ZZZ3: variants seen among roughly 807,000 people sequenced by gnomAD.
The protein encoded by ZZZ3 is ZZ-type zinc finger-containing protein 3.
A neutral mutation model predicts 95.2 loss-of-function variants in ZZZ3; 22 were observed. The ratio of observed to expected loss-of-function variants is 0.23; its 90% CI spans 0.17 to 0.33. The LOEUF (loss-of-function observed/expected upper bound fraction) is 0.33, where lower values mean the gene tolerates loss of function less well. ZZZ3 is among the 10% of genes least tolerant of loss of function. The pLI, the probability that ZZZ3 is intolerant of heterozygous loss-of-function variation, is 1.00. For synonymous variants in ZZZ3, 335 were observed against 358.9 expected (o/e 0.93, Z 0.75); for missense variants, 885 against 1,066.5 (o/e 0.83, Z 2.37).
At chr1:77,680,845 ACT>A (rs1672689401) in intron 1 of ZZZ3, among the ~76,000 whole-genome samples, 1 of 152,084 alleles carries the variant, frequency 6.6e-6, no homozygotes, top group Non-Finnish European at 1.5e-5. Flanking sequence ...AAAATATAAA[ACT>A]CAAGTGATAA....
Position 77,564,802 on chromosome 1 carries a change from T to C in ZZZ3, c.*838A>G, listed in dbSNP as rs1295052743. The C allele has an allele frequency of 1.3e-5, 2 of 152,630 alleles. No individual in the cohort carries two copies. Among genetic ancestry groups the C allele is most frequent in the Non-Finnish European group, 2.9e-5 (2 of 68,038 alleles). 9.5% of individuals were successfully genotyped at this position (152,630 alleles called of 1,614,324 possible). ...GATTTTTATATTAGGCAGTTTTCTT[T>C]GATGAGTTGTACTGACAACTCCAAA... On this transcript the variant is annotated 3_prime_UTR_variant, in exon 15 of 15. Coordinates refer to ENST00000370801, the MANE Select transcript of ZZZ3 (RefSeq NM_015534.6).
chr1:77,639,880 T>C (rs1326397948), intron 3 of ZZZ3, among the ~76,000 whole-genome samples: 1 of 151,554 alleles, frequency 6.6e-6, no homozygotes, highest in Non-Finnish European at 1.5e-5. Flanking sequence ...TGCTCTTTTC[T>C]AGACATTGCT....
At chr1:77,664,452 T>G (rs1671084911) in intron 1 of ZZZ3, among the ~76,000 whole-genome samples, 1 of 152,200 alleles carries the variant, frequency 6.6e-6, no homozygotes, top group Admixed American at 6.5e-5. Context: ...ATATCTATAT[T>G]CCCCATTCAA....
chr1:77,678,639 A>T (rs534660898), intron 1 of ZZZ3, among the ~76,000 whole-genome samples: 2 of 152,336 alleles, frequency 1.3e-5, no homozygotes, highest in East Asian at 3.9e-4. Context: ...ATTCTACTAT[A>T]GTTCCACCTA....
At chr1:77,570,828 ATTTTTTTT>A (rs1234908458) in intron 12 of ZZZ3, among the ~76,000 whole-genome samples, 1 of 123,756 alleles carries the variant, frequency 8.1e-6, no homozygotes, top group East Asian at 2.3e-4. Context: ...AGCCTGGCTA[ATTTTTTTT>A]TTTTTTTTTT....
intron 13 of ZZZ3, 52 bp from the exon 14 acceptor site, chr1:77,566,233 T>G: frequency 7.4e-7 from 1 of 1,343,734 alleles, no homozygotes; most frequent in East Asian, 2.4e-5. Context: ...TCCACGATCT[T>G]TTTTATTTTC....
At chr1:77,568,661 T>TA (rs1474085866) in intron 12 of ZZZ3, among the ~76,000 whole-genome samples, 195 bp from the exon 13 acceptor site, 1 of 124,180 alleles carries the variant, frequency 8.1e-6, no homozygotes, top group Admixed American at 8.9e-5. Context: ...TTTTTTTTTT[T>TA]AACACAACAG....
intron 5 of ZZZ3, among the ~76,000 whole-genome samples, chr1:77,605,380 A>C (rs374327720): frequency 1.3e-5 from 2 of 152,204 alleles, no homozygotes; most frequent in East Asian, 1.9e-4. Flanking sequence ...CACCTGGACT[A>C]AAGTGCTCTA....
chr1:77,581,719 T>C, intron 8 of ZZZ3, 57 bp downstream of exon 8: 8 of 1,359,558 alleles, frequency 5.9e-6, no homozygotes, highest in Non-Finnish European at 7.2e-6. Flanking sequence ...CAGCAAAATG[T>C]TAAATTGTTT....
At chr1:77,585,942 T>C (rs1663041416) in intron 5 of ZZZ3, among the ~76,000 whole-genome samples, 1 of 152,234 alleles carries the variant, frequency 6.6e-6, no homozygotes. Context: ...TTTTTAATAA[T>C]TAAGGTAAAA....
At chr1:77,664,983 G>C (rs1671127638) in intron 1 of ZZZ3, among the ~76,000 whole-genome samples, 1 of 151,978 alleles carries the variant, frequency 6.6e-6, no homozygotes, top group South Asian at 2.1e-4. Flanking sequence ...CATACTTTTT[G>C]TTACAACAAA....
At chr1:77,594,111 T>C (rs1259455227) in intron 5 of ZZZ3, among the ~76,000 whole-genome samples, 1 of 152,152 alleles carries the variant, frequency 6.6e-6, no homozygotes, top group Non-Finnish European at 1.5e-5. Context: ...ATCTGACAAC[T>C]GGGCTTATTG....
At chr1:77,581,927 A>G in intron 7 of ZZZ3, 36 bp from the exon 8 acceptor site, 1 of 1,605,582 alleles carries the variant, frequency 6.2e-7, no homozygotes, top group South Asian at 1.1e-5. Flanking sequence ...CTGTTAAAGC[A>G]AAACATTGCC....
chr1:77,590,049 C>A (rs1663520573), intron 5 of ZZZ3, among the ~76,000 whole-genome samples: 1 of 152,080 alleles, frequency 6.6e-6, no homozygotes, highest in African/African-American at 2.4e-5. Flanking sequence ...CAGCCTGATT[C>A]TTCAAAACTC....
At chr1:77,580,342 C>G (rs1322905602) in intron 9 of ZZZ3, 2 of 152,164 alleles carry the variant, frequency 1.3e-5, no homozygotes, top group Non-Finnish European at 2.9e-5. Context: ...TCCTCACCTC[C>G]CTTCGACAAC....
At chr1:77,603,307 G>C (rs896318323) in intron 5 of ZZZ3, among the ~76,000 whole-genome samples, 2 of 152,046 alleles carry the variant, frequency 1.3e-5, no homozygotes, top group South Asian at 4.1e-4. Context: ...TTAAACTCCC[G>C]GGCTCAAGTG....
At position 77,563,017 on chromosome 1, in the gene ZZZ3, G is replaced by A. The variant is rs1326696399; in HGVS notation, c.*2623C>T. 2 of 152,192 alleles carry A rather than the reference G, an allele frequency of 1.3e-5. No individual in the cohort carries two copies. The highest frequency in any genetic ancestry group is 2.4e-5 in the African/African-American group (1 of 41,446). 9.4% of individuals were successfully genotyped at this position (152,192 alleles called of 1,614,324 possible). ...ATAATAAATGACCCTGCCTCATAGA[G>A]TTGTTAAGAATTAGTTATCATATGC... On this transcript the variant is annotated 3_prime_UTR_variant, in exon 15 of 15. Coordinates refer to ENST00000370801, the MANE Select transcript of ZZZ3 (RefSeq NM_015534.6).
intron 4 of ZZZ3, among the ~76,000 whole-genome samples, chr1:77,636,060 T>C (rs1337208788): frequency 1.3e-5 from 2 of 152,218 alleles, no homozygotes; most frequent in Non-Finnish European, 2.9e-5. Flanking sequence ...TAAGGCTAAG[T>C]TAAATTTAAT....
chr1:77,590,761 T>C, intron 5 of ZZZ3, among the ~76,000 whole-genome samples: 1 of 152,238 alleles, frequency 6.6e-6, no homozygotes, highest in Non-Finnish European at 1.5e-5. Context: ...AGTATAATAA[T>C]GGTATTTAAA....
Sources: gnomAD v4.1 joint callset for allele counts (sites outside exome capture counted in the v4.1 genomes callset) on GRCh38, gnomAD v4.1.1 for gene constraint, MANE v1.5 for transcripts, NCBI Gene and HGNC (gene_info 2026-07-23, HGNC 2026-07-21) for gene names.